The following NRG3 variants were observed in gnomAD, a reference collection of about 807,000 sequenced individuals.
The protein encoded by NRG3 is neuregulin 3.
Under a neutral mutation model 66.9 loss-of-function variants are expected in NRG3, and 31 were observed. That is an observed-to-expected ratio of 0.46 (90% CI 0.35 to 0.63). NRG3 has a LOEUF of 0.63. Ranked by LOEUF, NRG3 falls within the 20% of genes least tolerant of loss-of-function variation. NRG3 has a pLI of 0.00. For synonymous variants in NRG3, 393 were observed against 359.4 expected (o/e 1.09, Z -1.06); for missense variants, 910 against 878.9 (o/e 1.04, Z -0.45).
chr10:82,594,020 T>C (rs1483144851), intron 2 of NRG3, among the ~76,000 whole-genome samples: 1 of 152,154 alleles, frequency 6.6e-6, no homozygotes, highest in African/African-American at 2.4e-5. Context: ...TTGTTTTATG[T>C]CAGACTCAGG....
At chr10:82,371,240 T>TA (rs2084873852) in intron 2 of NRG3, among the ~76,000 whole-genome samples, 1 of 152,044 alleles carries the variant, frequency 6.6e-6, no homozygotes, top group African/African-American at 2.4e-5. Context: ...CTCAACTATA[T>TA]AAAATCCCTC....
intron 1 of NRG3, among the ~76,000 whole-genome samples, chr10:82,282,360 G>A (rs2079172072): frequency 2.0e-5 from 3 of 152,084 alleles, no homozygotes; most frequent in Non-Finnish European, 2.9e-5. Context: ...GTGATTGGGA[G>A]CCAGTGAGAG....
At chr10:82,314,636 G>A (rs984777850) in intron 1 of NRG3, among the ~76,000 whole-genome samples, 15 of 151,264 alleles carry the variant, frequency 9.9e-5, no homozygotes, top group Non-Finnish European at 1.9e-4. Context: ...GTGAAACCCC[G>A]TCTCTACTAA....
At chr10:82,891,523 G>A (rs972314288) in intron 4 of NRG3, among the ~76,000 whole-genome samples, 1 of 151,552 alleles carries the variant, frequency 6.6e-6, no homozygotes, top group Non-Finnish European at 1.5e-5. Flanking sequence ...TTTACCCTTT[G>A]ACATTTAGTT....
At chr10:81,912,593 G>A (rs1845273397) in intron 1 of NRG3, among the ~76,000 whole-genome samples, 1 of 152,196 alleles carries the variant, frequency 6.6e-6, no homozygotes, top group African/African-American at 2.4e-5. Context: ...GGGGGAGCAG[G>A]TAGCAGAGTG....
intron 2 of NRG3, among the ~76,000 whole-genome samples, chr10:82,386,656 C>A (rs2086013074): frequency 6.6e-6 from 1 of 152,124 alleles, no homozygotes; most frequent in South Asian, 2.1e-4. Context: ...TTCCTTTATA[C>A]TCGGAAAGAT....
intron 1 of NRG3, among the ~76,000 whole-genome samples, chr10:82,018,649 A>G (rs1483720354): frequency 6.6e-6 from 1 of 152,140 alleles, no homozygotes; most frequent in African/African-American, 2.4e-5. Context: ...GAGGTCCTTC[A>G]CATCCCTTGT....
chr10:81,951,818 C>A (rs1017123970), intron 1 of NRG3, among the ~76,000 whole-genome samples: 6 of 152,206 alleles, frequency 3.9e-5, no homozygotes, highest in Admixed American at 1.3e-4. Context: ...AAGACACATG[C>A]ACACATATGT....
chr10:82,932,211 T>C (rs1847643641), intron 4 of NRG3, among the ~76,000 whole-genome samples: 1 of 152,120 alleles, frequency 6.6e-6, no homozygotes, highest in East Asian at 1.9e-4. Context: ...AATTTAGGAT[T>C]CCGTAGGACA....
intron 1 of NRG3, among the ~76,000 whole-genome samples, chr10:82,102,612 A>G (rs112948274): frequency 2.4e-4 from 36 of 151,668 alleles, no homozygotes; most frequent in African/African-American, 8.4e-4. Flanking sequence ...TTTGGGATAT[A>G]TATTTTATAT....
intron 4 of NRG3, among the ~76,000 whole-genome samples, chr10:82,879,754 G>T (rs887373505): frequency 3.9e-5 from 6 of 152,066 alleles, no homozygotes; most frequent in Admixed American, 3.3e-4. Context: ...GGGATTACAG[G>T]TATAAGCCAC....
intron 2 of NRG3, among the ~76,000 whole-genome samples, chr10:82,547,728 G>T (rs1217820132): frequency 6.6e-6 from 1 of 151,866 alleles, no homozygotes; most frequent in African/African-American, 2.4e-5. Context: ...TTCAAGTCTA[G>T]AATAGACTCC....
At chr10:82,376,618 C>A (rs895648442) in intron 2 of NRG3, among the ~76,000 whole-genome samples, 11 of 152,120 alleles carry the variant, frequency 7.2e-5, no homozygotes, top group African/African-American at 2.7e-4. Context: ...TATTCTGCTC[C>A]CCAAGCACCA....
intron 3 of NRG3, among the ~76,000 whole-genome samples, chr10:82,779,825 T>C (rs1042244446): frequency 2.6e-5 from 4 of 152,014 alleles, no homozygotes; most frequent in Admixed American, 1.3e-4. Flanking sequence ...GCTGCACCCA[T>C]CAACAGTCAT....
chr10:82,792,696 T>A (rs190731111), intron 3 of NRG3, among the ~76,000 whole-genome samples: 349 of 152,260 alleles, frequency 2.3e-3, no homozygotes, highest in African/African-American at 7.7e-3. Context: ...TTATTTATTT[T>A]TTTGACGGAG....
intron 2 of NRG3, among the ~76,000 whole-genome samples, chr10:82,433,864 G>A (rs1330519258): frequency 6.6e-6 from 1 of 152,128 alleles, no homozygotes; most frequent in Non-Finnish European, 1.5e-5. Context: ...TTGTAGTATA[G>A]TTTGAAGTCA....
At chr10:82,279,486 C>A (rs1010104458) in intron 1 of NRG3, among the ~76,000 whole-genome samples, 16 of 152,148 alleles carry the variant, frequency 1.1e-4, no homozygotes, top group Non-Finnish European at 1.9e-4. Context: ...CATCAATAAA[C>A]ACTTCATGAA....
At chr10:82,380,568 T>C (rs1202370518) in intron 2 of NRG3, among the ~76,000 whole-genome samples, 1 of 152,126 alleles carries the variant, frequency 6.6e-6, no homozygotes, top group Non-Finnish European at 1.5e-5. Context: ...AATTGTACTA[T>C]GTAGTAAGAT....
intron 2 of NRG3, among the ~76,000 whole-genome samples, chr10:82,589,496 C>T (rs573693623): frequency 2.0e-5 from 3 of 152,084 alleles, no homozygotes; most frequent in African/African-American, 4.8e-5. Context: ...AGGTGGGAAG[C>T]CTTCCAGGTG....
Sources: gnomAD v4.1 joint callset for allele counts (sites outside exome capture counted in the v4.1 genomes callset) on GRCh38, gnomAD v4.1.1 for gene constraint, MANE v1.5 for transcripts, NCBI Gene and HGNC (gene_info 2026-07-23, HGNC 2026-07-21) for gene names.